LY75: variants seen among roughly 807,000 people sequenced by gnomAD.
LY75 encodes lymphocyte antigen 75, also known as C-type lectin domain family 13 member B.
LY75 carries 185 observed loss-of-function variants against 231.7 expected under a neutral mutation model. That is an observed-to-expected ratio of 0.80 (90% CI 0.71 to 0.90). The LOEUF is 0.90. LY75 is among the 40% of genes least tolerant of loss of function. The pLI is 0.00. For missense variants in LY75, 1,947 were observed against 2,050.2 expected, an observed-to-expected ratio of 0.95 and a Z score of 0.97; for synonymous variants, 668 against 689.0, an observed-to-expected ratio of 0.97 and a Z score of 0.48.
Position 159,808,440 on chromosome 2 carries a change from T to C in LY75, c.4822+9A>G, listed in dbSNP as rs1682853782. Reference sequence around the variant, plus strand: ...CTTTGCACACTACACATACAATTATTTCACTTACCAACAGAATGTTGAGAT... The same window carrying C: ...CTTTGCACACTACACATACAATTATCTCACTTACCAACAGAATGTTGAGAT... On this transcript the variant is annotated intron_variant, in intron 33 of 34. Transcript: ENST00000263636. 2 of 1,613,738 alleles carry C rather than the reference T, an allele frequency of 1.2e-6. No homozygotes were observed. Among genetic ancestry groups the C allele is most frequent in the Non-Finnish European group, 1.7e-6 (2 of 1,179,842 alleles).
chr2:159,888,401 T>C (rs1685657229), intron 4 of LY75, among the ~76,000 whole-genome samples: 1 of 152,094 alleles, frequency 6.6e-6, no homozygotes. Flanking sequence ...ATAAATAGAG[T>C]TCTGCAATTC....
intron 34 of LY75, among the ~76,000 whole-genome samples, chr2:159,806,042 T>C (rs1682784000): frequency 6.6e-6 from 1 of 152,244 alleles, no homozygotes; most frequent in Non-Finnish European, 1.5e-5. Context: ...TGAAGTTTGC[T>C]TGGCTTGATT....
Position 159,860,882 on chromosome 2 carries a change from G to A in LY75, c.2207C>T (p.Thr736Ile), listed in dbSNP as rs780272675. 6.8e-6 allele frequency: 11 copies of A among 1,613,804 alleles called. No individual in the cohort carries two copies. The highest frequency in any genetic ancestry group is 4.0e-5 in the African/African-American group (3 of 74,904). The change falls in exon 15 of 35, where the codon ACT (threonine) becomes ATT (isoleucine). Residue 736 changes from threonine (T) to isoleucine (I), a missense_variant. Transcript: ENST00000263636. ...CTGAAACTCATTTGGCATGATAATA[G>A]TAGACACCTGAAAAGACAAGAGAGG... Reference protein sequence around the residue: ...WQWSDRTPVSTIIMPNEFQQD... With the variant: ...WQWSDRTPVSIIIMPNEFQQD...
chr2:159,850,675 G>A (rs562686243), intron 21 of LY75, among the ~76,000 whole-genome samples: 2 of 148,334 alleles, frequency 1.3e-5, no homozygotes, highest in South Asian at 4.2e-4. Context: ...TGCACAGGCC[G>A]GAGTGCAGTG....
chr2:159,839,348 T>C (rs1408954497), intron 25 of LY75, among the ~76,000 whole-genome samples: 1 of 152,182 alleles, frequency 6.6e-6, no homozygotes, highest in Non-Finnish European at 1.5e-5. Context: ...TATTTAAAAA[T>C]CCCTTATTTA....
At position 159,817,001 on chromosome 2, in the gene LY75, C is replaced by A; in HGVS notation, c.4185G>T (p.Leu1395=). ...CATCTTCATATGGCATAAACTGTGG[C>A]AGTGTAGTATTATATTCTTCTTTGT... ...VDYKEEYNTT[L]PQFMPYEDGI... The change falls in exon 30 of 35, where the codon CTG becomes CTT. Residue 1395 remains leucine, a synonymous_variant. Coordinates refer to ENST00000263636, the MANE Select transcript of LY75 (RefSeq NM_002349.4). 1 of 1,613,874 alleles carries A rather than the reference C, an allele frequency of 6.2e-7. No homozygotes were observed. Among genetic ancestry groups the A allele is most frequent in the Non-Finnish European group, 8.5e-7 (1 of 1,179,860 alleles).
chr2:159,868,308 T>C (rs998494469), intron 13 of LY75, among the ~76,000 whole-genome samples: 6 of 152,184 alleles, frequency 3.9e-5, no homozygotes, highest in African/African-American at 1.4e-4. Flanking sequence ...TGTTCTGTTT[T>C]CTAAATTCAA....
chr2:159,894,137 G>T, intron 2 of LY75, 53 bp from the exon 3 acceptor site: 1 of 1,530,154 alleles, frequency 6.5e-7, no homozygotes, highest in Non-Finnish European at 8.8e-7. Flanking sequence ...GGTAGTCAGC[G>T]TCAGGTGGCT....
intron 34 of LY75, 100 bp downstream of exon 34, chr2:159,806,873 T>A: frequency 1.1e-5 from 15 of 1,405,254 alleles, no homozygotes; most frequent in Non-Finnish European, 1.4e-5. Flanking sequence ...AAGGACTAAA[T>A]ACTTCAAGAC....
chr2:159,807,077 T>G lies in LY75; in HGVS notation c.4886A>C (p.Lys1629Thr). ...VTFVKWENKS[K>T]SGVGRCSMLI... is the part of the protein sequence containing the mutation. ...CATGCTACATCTTCCAACACCACTCTTACTTTTATTTTCCCATTTGACAAA... is the reference window on the plus strand; with the variant it reads ...CATGCTACATCTTCCAACACCACTCGTACTTTTATTTTCCCATTTGACAAA... The change falls in exon 34 of 35, where the codon AAG becomes ACG. Residue 1629 changes from lysine (K) to threonine (T), a missense_variant. By Grantham distance (78) the Lys-to-Thr change is moderately conservative (BLOSUM62 -1). Coordinates refer to ENST00000263636, the MANE Select transcript of LY75 (RefSeq NM_002349.4). The G allele has an allele frequency of 6.2e-7, 1 of 1,613,948 alleles. No homozygotes were observed.
chr2:159,852,048 C>A (rs1264030143), intron 21 of LY75, among the ~76,000 whole-genome samples, 153 bp downstream of exon 21: 1 of 152,208 alleles, frequency 6.6e-6, no homozygotes, highest in East Asian at 1.9e-4. Flanking sequence ...ATATCATCCA[C>A]GGTTTCTGGC....
intron 16 of LY75, among the ~76,000 whole-genome samples, chr2:159,856,803 T>A (rs993645536): frequency 3.3e-5 from 5 of 152,090 alleles, no homozygotes; most frequent in African/African-American, 4.8e-5. Flanking sequence ...TTAAAAAAAA[T>A]ATATATACAC....
chr2:159,853,179 A>G (rs1684453959), intron 20 of LY75, 94 bp downstream of exon 20: 11 of 1,307,086 alleles, frequency 8.4e-6, no homozygotes, highest in Non-Finnish European at 1.2e-5. Context: ...ATTACCAAAC[A>G]TATAATTAAA....
At chr2:159,885,419 C>A (rs938128345) in intron 5 of LY75, 126 bp from the exon 6 acceptor site, 24 of 1,254,488 alleles carry the variant, frequency 1.9e-5, no homozygotes, top group Admixed American at 1.7e-4. Flanking sequence ...TAAAACTTAA[C>A]TAAATTGAAA....
intron 22 of LY75, 51 bp downstream of exon 22, chr2:159,850,311 T>G (rs375228366): frequency 6.3e-7 from 1 of 1,599,832 alleles, no homozygotes; most frequent in Admixed American, 1.8e-5. Context: ...CTCCTAAAAC[T>G]AACCTGGCCC....
At chr2:159,823,461 A>G (rs1683363823) in intron 28 of LY75, among the ~76,000 whole-genome samples, 2 of 152,200 alleles carry the variant, frequency 1.3e-5, no homozygotes, top group African/African-American at 4.8e-5. Context: ...AAAAGACCAA[A>G]TCTACGTTTG....
In LY75 at chr2:159,850,952, A is replaced by C. The variant is rs188701116; in HGVS notation, c.2884-485T>G. 2.2e-3 allele frequency among the ~76,000 whole-genome samples: 325 copies of C among 151,056 alleles called. 2 individuals carry two copies. Among genetic ancestry groups the C allele is most frequent in the East Asian group, 0.014 (73 of 5,170 alleles). On this transcript the variant is annotated intron_variant, in intron 21 of 34. Coordinates refer to ENST00000263636, the MANE Select transcript of LY75 (RefSeq NM_002349.4). ...TTATCTCATTTAATTCTCACAATGG[A>C]GACAGAAACTGAGGCACAGGGACAT...
rs767575389 is a variant in LY75, at chr2:159,810,541, A to T, written c.4684T>A (p.Leu1562Met). The T allele has an allele frequency of 1.2e-6, 2 of 1,612,314 alleles. No individual in the cohort carries two copies. Among genetic ancestry groups the T allele is most frequent in the Admixed American group, 3.4e-5 (2 of 59,526 alleles). ...TTTAACTCACCATGTTTTGAACACAATTTTTTGGCCTCTGAAAAACTGTGC... is the reference window on the plus strand; with the variant it reads ...TTTAACTCACCATGTTTTGAACACATTTTTTTGGCCTCTGAAAAACTGTGC... ...ALHSFSEAKK[L>M]CSKHDHSATI... is the part of the protein sequence containing the mutation. Residue 1562 changes from leucine (L) to methionine (M), a missense_variant, in exon 32 of 35, where the codon TTG (leucine) becomes ATG (methionine). Leu to Met is a conservative substitution (Grantham distance 15). Transcript: ENST00000263636.
At chr2:159,828,720 T>C (rs1055836827) in intron 28 of LY75, among the ~76,000 whole-genome samples, 4 of 152,208 alleles carry the variant, frequency 2.6e-5, no homozygotes. Flanking sequence ...TTAAAAATGG[T>C]TTAAAATTTA....
Sources: allele counts gnomAD v4.1 joint callset (sites outside exome capture counted in the v4.1 genomes callset), GRCh38; gene constraint gnomAD v4.1.1; transcripts MANE v1.5; gene names NCBI Gene and HGNC (gene_info 2026-07-23, HGNC 2026-07-21).